The following SLC9B1 variants were observed in gnomAD, a reference collection of about 807,000 sequenced individuals.
SLC9B1 encodes solute carrier family 9 member B1, also known as sodium/hydrogen exchanger 9B1.
Under a neutral mutation model 51.7 loss-of-function variants are expected in SLC9B1, and 32 were observed. The ratio of observed to expected loss-of-function variants is 0.62; its 90% CI spans 0.47 to 0.83. The LOEUF (loss-of-function observed/expected upper bound fraction) is 0.83. Among genes scored for constraint, SLC9B1 ranks in the 40% least tolerant of loss-of-function variants. The pLI is 0.00. For synonymous variants in SLC9B1, 145 were observed against 212.7 expected, an observed-to-expected ratio of 0.68 and a Z score of 2.77; for missense variants, 406 against 613.2, an observed-to-expected ratio of 0.66 and a Z score of 3.57.
chr4:102,958,793 G>A (rs1737934867), intron 3 of SLC9B1, among the ~76,000 whole-genome samples: 1 of 151,994 alleles, frequency 6.6e-6, no homozygotes, highest in African/African-American at 2.4e-5. Flanking sequence ...CATGGTGGCA[G>A]GCACCTGTAG....
intron 7 of SLC9B1, among the ~76,000 whole-genome samples, chr4:102,928,515 T>G (rs1468733646): frequency 6.6e-6 from 1 of 152,204 alleles, no homozygotes; most frequent in East Asian, 1.9e-4. Flanking sequence ...TTCTGAGTCC[T>G]CCCAACTGTT....
chr4:102,978,944 T>C (rs1268733751), intron 3 of SLC9B1, among the ~76,000 whole-genome samples: 1 of 152,220 alleles, frequency 6.6e-6, no homozygotes, highest in Non-Finnish European at 1.5e-5. Context: ...TTCTGGTTTC[T>C]TAATTTACCG....
intron 3 of SLC9B1, among the ~76,000 whole-genome samples, chr4:102,976,467 G>A (rs1407974551): frequency 6.6e-6 from 1 of 152,144 alleles, no homozygotes; most frequent in African/African-American, 2.4e-5. Context: ...TTAATAAATG[G>A]TTTCTGAAAG....
chr4:102,933,409 T>G (rs1366606288), intron 6 of SLC9B1, among the ~76,000 whole-genome samples: 2 of 152,260 alleles, frequency 1.3e-5, no homozygotes, highest in African/African-American at 4.8e-5. Context: ...GACCACATAC[T>G]GGTCTAGTTC....
At chr4:102,933,507 G>T (rs1455312527) in intron 6 of SLC9B1, among the ~76,000 whole-genome samples, 3 of 152,048 alleles carry the variant, frequency 2.0e-5, no homozygotes, top group African/African-American at 7.2e-5. Context: ...AAACATAGCA[G>T]CTTAAAACAA....
chr4:103,009,532 G>A (rs1740982522), intron 1 of SLC9B1, among the ~76,000 whole-genome samples: 1 of 152,142 alleles, frequency 6.6e-6, no homozygotes, highest in Non-Finnish European at 1.5e-5. Flanking sequence ...AATGTATATG[G>A]AATTCAGTAT....
chr4:102,965,767 A>G (rs1187961036), intron 3 of SLC9B1, among the ~76,000 whole-genome samples: 1 of 143,228 alleles, frequency 7.0e-6, no homozygotes, highest in Non-Finnish European at 1.5e-5. Flanking sequence ...CCTCCTAGCT[A>G]TGAGCCTGTA....
At chr4:102,991,025 T>C (rs1333906766) in intron 2 of SLC9B1, among the ~76,000 whole-genome samples, 2 of 152,022 alleles carry the variant, frequency 1.3e-5, no homozygotes, top group African/African-American at 4.8e-5. Flanking sequence ...AGTAAAACCA[T>C]ATTATTTTAA....
downstream of SLC9B1, among the ~76,000 whole-genome samples, chr4:102,900,591 T>C (rs1734739232): frequency 6.6e-6 from 1 of 152,156 alleles, no homozygotes; most frequent in Non-Finnish European, 1.5e-5. Context: ...ACTGAACATA[T>C]TATTTACTCA....
chr4:103,003,786 C>A (rs1740649326), intron 1 of SLC9B1, among the ~76,000 whole-genome samples: 1 of 152,134 alleles, frequency 6.6e-6, no homozygotes, highest in Non-Finnish European at 1.5e-5. Context: ...AGCTAGGGGC[C>A]TGGTTTCAGC....
chr4:102,910,936 A>G (rs1420146426), intron 8 of SLC9B1, among the ~76,000 whole-genome samples: 1 of 151,264 alleles, frequency 6.6e-6, no homozygotes, highest in Non-Finnish European at 1.5e-5. Flanking sequence ...TCTTTGGTCA[A>G]TATGTTACAG....
intron 9 of SLC9B1, among the ~76,000 whole-genome samples, chr4:102,908,483 A>C (rs9715087): frequency 1.2e-4 from 18 of 151,794 alleles, no homozygotes; most frequent in Non-Finnish European, 1.5e-4. Flanking sequence ...TATATATATA[A>C]ATAGTTTGTA....
intron 6 of SLC9B1, among the ~76,000 whole-genome samples, chr4:102,940,980 T>C (rs1280669277): frequency 1.3e-5 from 2 of 152,126 alleles, no homozygotes; most frequent in African/African-American, 4.8e-5. Context: ...CACCTCAAGA[T>C]AGATTAAAGA....
chr4:102,931,629 A>C (rs1736462808), intron 7 of SLC9B1, among the ~76,000 whole-genome samples: 1 of 118,704 alleles, frequency 8.4e-6, no homozygotes, highest in African/African-American at 4.0e-5. Flanking sequence ...GTGATATTCA[A>C]GACCAGATAT....
intron 11 of SLC9B1, among the ~76,000 whole-genome samples, chr4:102,885,668 A>G (rs1733871442): frequency 6.6e-6 from 1 of 152,242 alleles, no homozygotes; most frequent in South Asian, 2.1e-4. Context: ...GCATTTATGT[A>G]GAGTAACATG....
intron 11 of SLC9B1, among the ~76,000 whole-genome samples, chr4:102,895,385 AGAC>A (rs1229288374): frequency 1.3e-5 from 2 of 152,210 alleles, no homozygotes; most frequent in Non-Finnish European, 2.9e-5. Context: ...AGAAAATAGA[AGAC>A]TAAAGAACAG....
intron 6 of SLC9B1, among the ~76,000 whole-genome samples, chr4:102,935,115 T>G (rs1736654321): frequency 6.6e-6 from 1 of 152,104 alleles, no homozygotes; most frequent in Non-Finnish European, 1.5e-5. Flanking sequence ...ACATATAATT[T>G]ACAAATACAT....
chr4:102,916,482 T>C lies in SLC9B1; in HGVS notation c.830-4945A>G, dbSNP rs868162454. 1.2e-4 allele frequency among the ~76,000 whole-genome samples: 18 copies of C among 152,284 alleles called. No homozygotes were observed. The Middle Eastern group carries it at 0.014, about 115-fold the overall frequency. On this transcript the variant is annotated intron_variant, in intron 7 of 11. Coordinates refer to ENST00000296422, the MANE Select transcript of SLC9B1 (RefSeq NM_139173.4). The stretch of plus-strand genomic sequence containing the variant: ...GGTAACATAGATAACAACATCATAA[T>C]AACAGAAAACTTCAATATCCCACTT...
intron 7 of SLC9B1, among the ~76,000 whole-genome samples, chr4:102,924,690 ATAACT>A (rs1451200514): frequency 6.6e-6 from 1 of 152,144 alleles, no homozygotes; most frequent in African/African-American, 2.4e-5. Context: ...GAATCTACAA[ATAACT>A]TAAACAAATT....
Sources: allele counts gnomAD v4.1 joint callset (sites outside exome capture counted in the v4.1 genomes callset), GRCh38; gene constraint gnomAD v4.1.1; transcripts MANE v1.5; gene names NCBI Gene and HGNC (gene_info 2026-07-23, HGNC 2026-07-21).